The following MTURN variants were observed in gnomAD, a reference collection of about 807,000 sequenced individuals.
MTURN encodes the protein maturin, neural progenitor differentiation regulator homolog.
A neutral mutation model predicts 14.9 loss-of-function variants in MTURN; 7 were observed. The observed-to-expected ratio is 0.47, with a 90% CI of 0.27 to 0.88. MTURN has a LOEUF of 0.88. Ranked by LOEUF, MTURN falls within the 40% of genes least tolerant of loss-of-function variation. MTURN has a pLI of 0.14. For synonymous variants in MTURN, 69 were observed against 72.5 expected (o/e 0.95, Z 0.25); for missense variants, 151 against 174.1 (o/e 0.87, Z 0.75).
intron 1 of MTURN, among the ~76,000 whole-genome samples, chr7:30,138,081 T>C (rs1029899026): frequency 2.0e-4 from 31 of 152,164 alleles, no homozygotes; most frequent in African/African-American, 7.2e-4. Context: ...TTGTGTGCCT[T>C]GGGAAAGTTA....
chr7:30,136,215 G>A (rs1280100456), intron 1 of MTURN, among the ~76,000 whole-genome samples: 1 of 152,248 alleles, frequency 6.6e-6, no homozygotes, highest in Middle Eastern at 3.2e-3. Flanking sequence ...AACTGGGACT[G>A]CGGTGTCCAA....
Position 30,157,518 on chromosome 7 carries a change from C to T in MTURN, c.366C>T (p.Asp122=). The T allele has an allele frequency of 1.2e-6, 2 of 1,604,146 alleles. No individual in the cohort carries two copies. Among genetic ancestry groups the T allele is most frequent in the Non-Finnish European group, 8.5e-7 (1 of 1,175,818 alleles). The change falls in exon 3 of 3, where the codon GAC becomes GAT. Residue 122 remains aspartate (D), a synonymous_variant. Coordinates refer to ENST00000324453, the MANE Select transcript of MTURN (RefSeq NM_152793.3). The stretch of plus-strand genomic sequence containing the variant: ...TGGAAGAAGAGGAGCCAGAGGCGGA[C>T]CACCCCCAGATGGGGGTCAGCCAGC... The part of the protein sequence containing the change: ...ADVEEEEPEA[D]HPQMGVSQQ
At chr7:30,138,752 T>C (rs1269681581) in intron 1 of MTURN, among the ~76,000 whole-genome samples, 1 of 152,114 alleles carries the variant, frequency 6.6e-6, no homozygotes, top group African/African-American at 2.4e-5. Flanking sequence ...TTCCCATCTT[T>C]TATAATAAAA....
At chr7:30,140,415 G>GTGTATATATATATATATATA (rs33952294) in intron 1 of MTURN, among the ~76,000 whole-genome samples, 98 of 143,814 alleles carry the variant, frequency 6.8e-4, no homozygotes, top group African/African-American at 1.1e-3. Context: ...GTGTGTGTGT[G>GTGTATATATATATATATATA]TATCCCCATT....
At position 30,162,715 on chromosome 7, in the gene MTURN, C is replaced by T. The variant is rs62623406; in HGVS notation, c.*5167C>T. 3,011 of 152,658 alleles carry T rather than the reference C, an allele frequency of 0.02. 41 individuals are homozygous for T. The highest frequency in any genetic ancestry group is 0.028 in the Non-Finnish European group (1,912 of 68,036). 9.5% of individuals were successfully genotyped at this position (152,658 alleles called of 1,614,324 possible). On this transcript the variant is annotated 3_prime_UTR_variant, in exon 3 of 3. Coordinates refer to ENST00000324453, the MANE Select transcript of MTURN (RefSeq NM_152793.3). ...CTCCCCTGAGAGTGAGGACCTCATCCGACCATGTAATTACCATTCGCTTGC... is the reference window on the plus strand; with the variant it reads ...CTCCCCTGAGAGTGAGGACCTCATCTGACCATGTAATTACCATTCGCTTGC...
At chr7:30,154,432 C>T (rs767868903) in intron 2 of MTURN, among the ~76,000 whole-genome samples, 4 of 152,198 alleles carry the variant, frequency 2.6e-5, no homozygotes, top group African/African-American at 4.8e-5. Context: ...CTCTTGGCCA[C>T]TCCCAGTTTC....
In MTURN at chr7:30,135,032, G is replaced by T; in HGVS notation, c.-105G>T. 2 of 1,010,250 alleles carry T rather than the reference G, an allele frequency of 2.0e-6. No individual in the cohort carries two copies. The highest frequency in any genetic ancestry group is 2.4e-6 in the Non-Finnish European group (2 of 824,048). The allele number at this position is 1,010,250 out of a possible 1,614,324, so 62.6% of individuals were successfully genotyped here. A position where few individuals can be genotyped will look rare whatever the true frequency, so the allele number is the denominator to read the frequency against. ...GTCCCAGCCGGCCCAGCCCGGCCCC[G>T]GAGGAGCCCGCGCAGGCCGAGCCGA... On this transcript the variant is annotated 5_prime_UTR_variant, in exon 1 of 3. Transcript: ENST00000324453.
At position 30,142,263 on chromosome 7, in the gene MTURN, C is replaced by T. The variant is rs147371518; in HGVS notation, c.163-3914C>T. The stretch of plus-strand genomic sequence containing the variant: ...CACAGGAAGAAGGGTCGCAGATGGC[C>T]TATACTCAAATCAAAGTGCTTATCG... On this transcript the variant is annotated intron_variant, in intron 1 of 2. Transcript: ENST00000324453. Among the ~76,000 whole-genome samples the T allele has an allele frequency of 2.6e-3, 400 of 152,256 alleles. 10 individuals are homozygous for T. Among genetic ancestry groups the T allele is most frequent in the Admixed American group, 0.021 (320 of 15,302 alleles).
In MTURN at chr7:30,160,418, C is replaced by G. The variant is rs1227565598; in HGVS notation, c.*2870C>G. ...GACATGGCTTTTCTTTGTGCTGTGG[C>G]AGACTGGGGCTTTGGAAGTGGTGTA... On this transcript the variant is annotated 3_prime_UTR_variant, in exon 3 of 3. Transcript: ENST00000324453. 6.6e-6 allele frequency: 1 copy of G among 152,258 alleles called. No homozygotes were observed. The highest frequency in any genetic ancestry group is 1.5e-5 in the Non-Finnish European group (1 of 68,096). The allele number at this position is 152,258 out of a possible 1,614,324, so 9.4% of individuals were successfully genotyped here. A position where few individuals can be genotyped will look rare whatever the true frequency, so the allele number is the denominator to read the frequency against.
intron 2 of MTURN, among the ~76,000 whole-genome samples, chr7:30,151,835 C>T (rs1022192997): frequency 2.6e-5 from 4 of 152,192 alleles, no homozygotes; most frequent in Non-Finnish European, 5.9e-5. Context: ...CGTTTCTTCT[C>T]TCAAGAAAGA....
intron 2 of MTURN, among the ~76,000 whole-genome samples, chr7:30,151,803 C>T (rs1797217195): frequency 6.6e-6 from 1 of 152,188 alleles, no homozygotes; most frequent in Non-Finnish European, 1.5e-5. Flanking sequence ...AAGTCCTCTC[C>T]TGGGCTTGCT....
At chr7:30,138,429 T>G (rs1317218869) in intron 1 of MTURN, among the ~76,000 whole-genome samples, 1 of 152,144 alleles carries the variant, frequency 6.6e-6, no homozygotes, top group East Asian at 1.9e-4. Context: ...TGCCATAGTT[T>G]CTACATCTGT....
At chr7:30,146,698 A>G (rs1477964865) in intron 2 of MTURN, among the ~76,000 whole-genome samples, 1 of 152,228 alleles carries the variant, frequency 6.6e-6, no homozygotes, top group Non-Finnish European at 1.5e-5. Context: ...AGCTGTATAC[A>G]GGTTATATTA....
chr7:30,137,293 G>A (rs1796979196), intron 1 of MTURN: 1 of 217,626 alleles, frequency 4.6e-6, no homozygotes, highest in Admixed American at 4.8e-5. Context: ...TTTCACTGGG[G>A]AGAAGCCCAC....
At chr7:30,137,246 C>G (rs1020092031) in intron 1 of MTURN, 18 of 171,322 alleles carry the variant, frequency 1.1e-4, no homozygotes, top group Admixed American at 6.2e-4. Flanking sequence ...CCCTCCTGAC[C>G]GTGTGAAACA....
chr7:30,147,461 C>T (rs1340941202), intron 2 of MTURN, among the ~76,000 whole-genome samples: 1 of 152,160 alleles, frequency 6.6e-6, no homozygotes, highest in Non-Finnish European at 1.5e-5. Context: ...CCTGTGCCTC[C>T]TCCTCGTTCT....
chr7:30,135,930 C>T (rs947159706), intron 1 of MTURN, among the ~76,000 whole-genome samples: 1 of 152,386 alleles, frequency 6.6e-6, no homozygotes, highest in African/African-American at 2.4e-5. Flanking sequence ...GAATTACACC[C>T]CGGATCTTAA....
At position 30,144,841 on chromosome 7, in the gene MTURN, T is replaced by C. The variant is rs138055216; in HGVS notation, c.163-1336T>C. 5.9e-4 allele frequency among the ~76,000 whole-genome samples: 89 copies of C among 152,074 alleles called. 1 individual carries two copies. The highest frequency in any genetic ancestry group is 3.4e-3 in the Middle Eastern group (1 of 292). On this transcript the variant is annotated intron_variant, in intron 1 of 2. Coordinates refer to ENST00000324453, the MANE Select transcript of MTURN (RefSeq NM_152793.3). ...CAGTGTGTGCTTGGCATGGACCATG[T>C]CTCCACATAAGTCTTCTATCCTGCT...
Position 30,160,851 on chromosome 7 carries a change from C to T in MTURN, c.*3303C>T, listed in dbSNP as rs1001647195. 1.3e-5 allele frequency: 2 copies of T among 152,338 alleles called. No individual in the cohort carries two copies. Among genetic ancestry groups the T allele is most frequent in the Non-Finnish European group, 2.9e-5 (2 of 68,058 alleles). 9.4% of individuals were successfully genotyped at this position (152,338 alleles called of 1,614,324 possible). ...AGTGCCTGTCACCACTGTGGATTCA[C>T]CTGCACTCAGGTGTCCACTCCTGTC... On this transcript the variant is annotated 3_prime_UTR_variant, in exon 3 of 3. Transcript: ENST00000324453.
Sources: allele counts gnomAD v4.1 joint callset (sites outside exome capture counted in the v4.1 genomes callset), GRCh38; gene constraint gnomAD v4.1.1; transcripts MANE v1.5; gene names NCBI Gene and HGNC (gene_info 2026-07-23, HGNC 2026-07-21).